GPC5: variants seen among roughly 807,000 people sequenced by gnomAD.
The protein encoded by GPC5 is glypican 5.
In GPC5, 47 loss-of-function variants were observed where a neutral mutation model predicts 53.9. The ratio of observed to expected loss-of-function variants is 0.87; its 90% confidence interval spans 0.69 to 1.11. GPC5 has a LOEUF of 1.11. Ranked by LOEUF, GPC5 falls within the 50% of genes most tolerant of loss-of-function variation. The pLI, the probability that GPC5 is intolerant of heterozygous loss-of-function variation, is 0.00. For synonymous variants in GPC5, 286 were observed against 263.3 expected (o/e 1.09, Z -0.84); for missense variants, 748 against 713.1 (o/e 1.05, Z -0.56).
intron 7 of GPC5, among the ~76,000 whole-genome samples, chr13:92,478,649 A>G (rs1262698098): frequency 6.6e-6 from 1 of 152,150 alleles, no homozygotes; most frequent in Non-Finnish European, 1.5e-5. Flanking sequence ...AGGAAGAGAA[A>G]AGATAAAAAG....
intron 2 of GPC5, among the ~76,000 whole-genome samples, chr13:91,602,736 A>T (rs913628837): frequency 6.6e-6 from 1 of 152,208 alleles, no homozygotes; most frequent in Non-Finnish European, 1.5e-5. Context: ...ACTATCGGGT[A>T]TGTAATTGGT....
intron 2 of GPC5, among the ~76,000 whole-genome samples, chr13:91,559,313 T>G (rs1011258862): frequency 1.3e-5 from 2 of 152,140 alleles, no homozygotes; most frequent in East Asian, 1.9e-4. Flanking sequence ...ATGTATGATT[T>G]GGAACAATTT....
intron 7 of GPC5, among the ~76,000 whole-genome samples, chr13:92,704,550 A>G (rs1442090863): frequency 1.3e-5 from 2 of 152,014 alleles, no homozygotes; most frequent in Non-Finnish European, 2.9e-5. Flanking sequence ...AATTCATCAA[A>G]TTAAATTATT....
intron 7 of GPC5, among the ~76,000 whole-genome samples, chr13:92,697,693 C>T (rs761711504): frequency 6.6e-6 from 1 of 152,138 alleles, no homozygotes; most frequent in South Asian, 2.1e-4. Context: ...TTATTTATTT[C>T]TCTTACCTGA....
chr13:91,850,432 G>A (rs1407232468), intron 5 of GPC5, among the ~76,000 whole-genome samples: 1 of 152,010 alleles, frequency 6.6e-6, no homozygotes, highest in Non-Finnish European at 1.5e-5. Context: ...ATTTAATGCT[G>A]CCCTCTGCCC....
intron 7 of GPC5, among the ~76,000 whole-genome samples, chr13:92,276,655 T>C (rs926062497): frequency 1.3e-5 from 2 of 152,112 alleles, no homozygotes; most frequent in Non-Finnish European, 2.9e-5. Flanking sequence ...ACCTAGCAAT[T>C]TTCAGAACAC....
At chr13:91,963,854 A>C (rs1364952046) in intron 6 of GPC5, among the ~76,000 whole-genome samples, 1 of 152,224 alleles carries the variant, frequency 6.6e-6, no homozygotes, top group African/African-American at 2.4e-5. Flanking sequence ...AGCATCAATC[A>C]TAGAACACTT....
chr13:91,407,437 ATC>A (rs1877407564), intron 1 of GPC5, among the ~76,000 whole-genome samples: 2 of 152,338 alleles, frequency 1.3e-5, no homozygotes, highest in Middle Eastern at 3.4e-3. Flanking sequence ...CACAGCTGTT[ATC>A]GTCATGTAGT....
chr13:91,648,880 T>A (rs1179193949), intron 2 of GPC5, among the ~76,000 whole-genome samples: 1 of 152,174 alleles, frequency 6.6e-6, no homozygotes, highest in Non-Finnish European at 1.5e-5. Context: ...CAGTGCGGTA[T>A]CAAGAGTGTG....
At chr13:92,528,278 T>C (rs1881435166) in intron 7 of GPC5, among the ~76,000 whole-genome samples, 1 of 152,160 alleles carries the variant, frequency 6.6e-6, no homozygotes, top group Non-Finnish European at 1.5e-5. Context: ...AACATTTGGC[T>C]GCATTTTTAT....
At chr13:92,751,664 T>C (rs2139326049) in intron 7 of GPC5, among the ~76,000 whole-genome samples, 1 of 151,908 alleles carries the variant, frequency 6.6e-6, no homozygotes, top group East Asian at 1.9e-4. Context: ...AGTTAATGGG[T>C]GCAGCACAGC....
intron 7 of GPC5, among the ~76,000 whole-genome samples, chr13:92,265,375 A>G (rs898652574): frequency 6.6e-6 from 1 of 152,116 alleles, no homozygotes; most frequent in Non-Finnish European, 1.5e-5. Flanking sequence ...CATCACTCTT[A>G]AATTCTGCCT....
Position 91,794,113 on chromosome 13 carries a change from C to T in GPC5, c.1280+37693C>T, listed in dbSNP as rs191934946. ...TATTAGTAATGTAATAATGCCTCAG[C>T]ATTATTCCTCTGTTTTATTTTCTGC... On this transcript the variant is annotated intron_variant, in intron 5 of 7. Transcript: ENST00000377067. 1.4e-3 allele frequency among the ~76,000 whole-genome samples: 219 copies of T among 152,204 alleles called. 1 individual carries two copies. In the Middle Eastern group the frequency reaches 0.037, roughly 26 times the overall value.
chr13:92,083,136 T>C (rs1403589152), intron 6 of GPC5, among the ~76,000 whole-genome samples: 1 of 152,208 alleles, frequency 6.6e-6, no homozygotes, highest in African/African-American at 2.4e-5. Flanking sequence ...TTACAGAGAT[T>C]CCCTTTGGGG....
rs1555306217 is a variant in GPC5 at position 92,038,394 on chromosome 13, A to AGATC, written c.1402-106431_1402-106428dup. On this transcript the variant is annotated intron_variant, in intron 6 of 7. Transcript: ENST00000377067. The stretch of plus-strand genomic sequence containing the variant: ...TAGATAGATAGATAGGTAGATAGAT[A>AGATC]GATCGATCCCTGTTTGGGTGGGGCA... Among the ~76,000 whole-genome samples the AGATC allele has an allele frequency of 7.6e-3, 1,139 of 149,472 alleles. 48 individuals carry two copies. The highest frequency in any genetic ancestry group is 0.014 in the Middle Eastern group (4 of 278).
At chr13:91,467,259 G>A (rs920127768) in intron 2 of GPC5, among the ~76,000 whole-genome samples, 5 of 152,098 alleles carry the variant, frequency 3.3e-5, no homozygotes, top group Admixed American at 6.6e-5. Context: ...TCCTGAAAAC[G>A]GTGACATTAG....
chr13:92,819,790 A>C (rs1877611620), intron 7 of GPC5, among the ~76,000 whole-genome samples: 1 of 152,104 alleles, frequency 6.6e-6, no homozygotes, highest in African/African-American at 2.4e-5. Context: ...GGAATTTTTT[A>C]ATTATAATTT....
chr13:91,626,977 T>C lies in GPC5; in HGVS notation c.326-66210T>C, dbSNP rs544267872. 3.1e-4 allele frequency among the ~76,000 whole-genome samples: 41 copies of C among 134,228 alleles called. No homozygotes were observed. The South Asian group carries it at 7.9e-3, about 26-fold the overall frequency. The allele number at this position is 134,228 out of a possible 152,430, so 88.1% of individuals were successfully genotyped here. On this transcript the variant is annotated intron_variant, in intron 2 of 7. Coordinates refer to ENST00000377067, the MANE Select transcript of GPC5 (RefSeq NM_004466.6). ...GAATGATGGTTTCCAGCTTCATCCA[T>C]GTCCCTACAAAGGACATGAACTCAT...
chr13:91,442,858 A>G (rs1295826521), intron 1 of GPC5, among the ~76,000 whole-genome samples: 1 of 152,082 alleles, frequency 6.6e-6, no homozygotes, highest in Non-Finnish European at 1.5e-5. Context: ...TTCAAAGTTT[A>G]TTATTTCTCT....
Sources: allele counts gnomAD v4.1 joint callset (sites outside exome capture counted in the v4.1 genomes callset), GRCh38; gene constraint gnomAD v4.1.1; transcripts MANE v1.5; gene names NCBI Gene and HGNC (gene_info 2026-07-23, HGNC 2026-07-21).